ZSCAN25: variants seen among roughly 807,000 people sequenced by gnomAD.
ZSCAN25 encodes zinc finger and SCAN domain containing 25.
Under a neutral mutation model 38.7 loss-of-function variants are expected in ZSCAN25, and 27 were observed. The observed-to-expected ratio is 0.70, with a 90% CI of 0.51 to 0.96. ZSCAN25 has a LOEUF of 0.96. Among genes scored for constraint, ZSCAN25 ranks in the 40% least tolerant of loss-of-function variants. The pLI is 0.00. For synonymous variants in ZSCAN25, 273 were observed against 277.7 expected (o/e 0.98, Z 0.17); for missense variants, 637 against 705.9 (o/e 0.90, Z 1.11).
the ZSCAN25 span, among the ~76,000 whole-genome samples, chr7:99,703,220 A>ATG: frequency 6.6e-6 from 1 of 152,220 alleles, no homozygotes; most frequent in African/African-American, 2.4e-5. Flanking sequence ...TTTTTCAAAT[A>ATG]TCATTTCCAA....
chr7:99,627,549 A>G (rs1257422331), intron 7 of ZSCAN25, among the ~76,000 whole-genome samples: 1 of 152,180 alleles, frequency 6.6e-6, no homozygotes, highest in Non-Finnish European at 1.5e-5. Flanking sequence ...GAACGTCACA[A>G]ACATGATATT....
chr7:99,621,055 G>T (rs1054653454), intron 4 of ZSCAN25: 11 of 203,594 alleles, frequency 5.4e-5, no homozygotes, highest in Non-Finnish European at 8.7e-5. Flanking sequence ...TTTCAATTAG[G>T]AATTTTTTTT....
chr7:99,720,660 T>C, the ZSCAN25 span: 10 of 434,540 alleles, frequency 2.3e-5, no homozygotes, highest in African/African-American at 1.2e-4. Flanking sequence ...ACAAAAGAGC[T>C]CTTCAAAGAG....
At chr7:99,637,070 A>G (rs1416485098), downstream of ZSCAN25, among the ~76,000 whole-genome samples, 1 of 152,214 alleles carries the variant, frequency 6.6e-6, no homozygotes, top group South Asian at 2.1e-4. Flanking sequence ...CATATTTTTC[A>G]GTGTTCTAAT....
At chr7:99,660,643 C>T in the ZSCAN25 span, 2 of 1,613,828 alleles carry the variant, frequency 1.2e-6, no homozygotes, top group Non-Finnish European at 1.7e-6. Context: ...GGGCTGCGAG[C>T]TCCAGATCAG....
At chr7:99,720,515 T>C in the ZSCAN25 span, 1 of 1,255,206 alleles carries the variant, frequency 8.0e-7, no homozygotes, top group African/African-American at 1.5e-5. Flanking sequence ...CATAATCCTC[T>C]AGATGTACAA....
the ZSCAN25 span, among the ~76,000 whole-genome samples, chr7:99,645,996 G>T: frequency 1.3e-5 from 2 of 152,176 alleles, no homozygotes; most frequent in East Asian, 3.9e-4. Context: ...CCAGTACCAG[G>T]CTGTTTTGGT....
At chr7:99,710,067 C>A in the ZSCAN25 span, among the ~76,000 whole-genome samples, 4 of 152,144 alleles carry the variant, frequency 2.6e-5, no homozygotes, top group East Asian at 7.7e-4. Flanking sequence ...GGACTGTAAT[C>A]TCTGAAGAAC....
chr7:99,721,370 T>G, the ZSCAN25 span, among the ~76,000 whole-genome samples: 1 of 152,212 alleles, frequency 6.6e-6, no homozygotes, highest in Non-Finnish European at 1.5e-5. Context: ...AACCCTTCTT[T>G]CAAAAGCATG....
the ZSCAN25 span, among the ~76,000 whole-genome samples, chr7:99,644,586 C>T: frequency 1.3e-5 from 2 of 152,060 alleles, no homozygotes; most frequent in African/African-American, 2.4e-5. Context: ...TCCGCCACGC[C>T]CTTTGCAGCC....
chr7:99,676,394 C>G, the ZSCAN25 span: 82 of 1,514,434 alleles, frequency 5.4e-5, no homozygotes, highest in South Asian at 8.6e-4. Flanking sequence ...TTCTGAGACC[C>G]CTGAAAAGTC....
the ZSCAN25 span, chr7:99,707,745 A>AAATAT: frequency 3.5e-5 from 55 of 1,593,508 alleles, no homozygotes; most frequent in African/African-American, 6.7e-4. Context: ...ATTCTTTTTT[A>AAATAT]AATATATAGA....
chr7:99,718,324 G>A, the ZSCAN25 span, among the ~76,000 whole-genome samples: 19 of 152,168 alleles, frequency 1.2e-4, no homozygotes, highest in East Asian at 3.9e-4. Context: ...GAAATAATGC[G>A]ATTCTATTAA....
At chr7:99,623,720 G>A (rs1807205524) in intron 6 of ZSCAN25, among the ~76,000 whole-genome samples, 1 of 152,200 alleles carries the variant, frequency 6.6e-6, no homozygotes, top group African/African-American at 2.4e-5. Context: ...GAGAAATTGA[G>A]GATGCATTTA....
the ZSCAN25 span, chr7:99,713,629 A>G: frequency 1.3e-6 from 2 of 1,564,012 alleles, no homozygotes; most frequent in African/African-American, 2.7e-5. Flanking sequence ...TTCTGAGAAT[A>G]TAGCCCCTTG....
the ZSCAN25 span, among the ~76,000 whole-genome samples, chr7:99,673,875 G>C: frequency 6.6e-6 from 1 of 152,212 alleles, no homozygotes; most frequent in African/African-American, 2.4e-5. Context: ...AAAACCTGCA[G>C]AAAAGTGGTA....
At chr7:99,639,739 T>G in the ZSCAN25 span, among the ~76,000 whole-genome samples, 1 of 152,132 alleles carries the variant, frequency 6.6e-6, no homozygotes, top group Non-Finnish European at 1.5e-5. Context: ...CAGATTCCAG[T>G]GGGTTGTAGA....
the ZSCAN25 span, among the ~76,000 whole-genome samples, chr7:99,701,629 A>G: frequency 2.0e-5 from 3 of 152,174 alleles, no homozygotes; most frequent in Admixed American, 1.3e-4. Context: ...TGTCTTTTGG[A>G]TTAAAACCAT....
the ZSCAN25 span, among the ~76,000 whole-genome samples, chr7:99,732,331 G>C: frequency 6.6e-6 from 1 of 152,144 alleles, no homozygotes; most frequent in African/African-American, 2.4e-5. Context: ...GCTTCCTGTA[G>C]AGCCTGCAGA....
Sources: gnomAD v4.1 joint callset for allele counts (sites outside exome capture counted in the v4.1 genomes callset) on GRCh38, gnomAD v4.1.1 for gene constraint, MANE v1.5 for transcripts, NCBI Gene and HGNC (gene_info 2026-07-23, HGNC 2026-07-21) for gene names.